Variants in PLB1 observed in about 807,000 individuals in gnomAD.
PLB1 encodes the protein phospholipase B1, membrane-associated.
A neutral mutation model predicts 227.4 loss-of-function variants in PLB1; 242 were observed. That is an observed-to-expected ratio of 1.06 (90% CI 0.96 to 1.18). The LOEUF is 1.18. Among genes scored for constraint, PLB1 ranks in the 50% most tolerant of loss-of-function variants. The pLI, the probability that PLB1 is intolerant of heterozygous loss-of-function variation, is 0.00. For synonymous variants in PLB1, 757 were observed against 682.2 expected (o/e 1.11, Z -1.71); for missense variants, 1,858 against 1,816.3 (o/e 1.02, Z -0.42).
At chr2:28,613,599 C>T (rs1307184949) in intron 43 of PLB1, among the ~76,000 whole-genome samples, 1 of 151,820 alleles carries the variant, frequency 6.6e-6, no homozygotes, top group Non-Finnish European at 1.5e-5. Context: ...GAGGAAAAGA[C>T]ATACAGTTCA....
intron 8 of PLB1, among the ~76,000 whole-genome samples, chr2:28,530,702 T>C (rs1158061077): frequency 6.6e-6 from 1 of 152,242 alleles, no homozygotes; most frequent in East Asian, 1.9e-4. Flanking sequence ...TAGCAAACTG[T>C]ATCTAACTAA....
chr2:28,568,524 T>A (rs933063981), intron 20 of PLB1, among the ~76,000 whole-genome samples: 2 of 152,214 alleles, frequency 1.3e-5, no homozygotes, highest in Admixed American at 6.5e-5. Flanking sequence ...TATGGAAACG[T>A]GTTAGAAAAC....
chr2:28,591,862 G>A, intron 31 of PLB1, 102 bp downstream of exon 31: 2 of 1,177,332 alleles, frequency 1.7e-6, no homozygotes, highest in Non-Finnish European at 2.5e-6. Context: ...ATGGCACAGT[G>A]ACGGCCAGTG....
intron 54 of PLB1, among the ~76,000 whole-genome samples, chr2:28,631,679 A>G (rs1386980941): frequency 6.6e-6 from 1 of 152,108 alleles, no homozygotes; most frequent in Non-Finnish European, 1.5e-5. Flanking sequence ...TCGTGCAGTG[A>G]GAGGAGGGGA....
At chr2:28,534,598 G>GTA (rs1039437913) in intron 9 of PLB1, among the ~76,000 whole-genome samples, 7 of 152,224 alleles carry the variant, frequency 4.6e-5, no homozygotes, top group African/African-American at 1.7e-4. Context: ...GCTCACGCCT[G>GTA]TAATCCCAGC....
intron 10 of PLB1, 56 bp downstream of exon 10, chr2:28,538,437 G>A: frequency 1.3e-6 from 2 of 1,532,278 alleles, no homozygotes; most frequent in Non-Finnish European, 9.0e-7. Context: ...TTACCCTCAT[G>A]TGGCCTCCAC....
intron 33 of PLB1, chr2:28,595,007 C>G (rs576203768): frequency 6.6e-6 from 1 of 152,100 alleles, no homozygotes; most frequent in Non-Finnish European, 1.5e-5. Context: ...ATCAAGCAGA[C>G]GAACCACATT....
At chr2:28,593,029 G>A (rs1361205002) in intron 32 of PLB1, among the ~76,000 whole-genome samples, 2 of 152,016 alleles carry the variant, frequency 1.3e-5, no homozygotes, top group African/African-American at 2.4e-5. Flanking sequence ...CTCCCTGTGC[G>A]GGCGCTCTTT....
intron 1 of PLB1, among the ~76,000 whole-genome samples, chr2:28,509,773 G>T (rs2148165185): frequency 6.6e-6 from 1 of 152,278 alleles, no homozygotes; most frequent in Non-Finnish European, 1.5e-5. Context: ...AAAGGGGAGA[G>T]TTCCCTTGGG....
At chr2:28,621,293 A>G (rs1166424147) in intron 49 of PLB1, among the ~76,000 whole-genome samples, 5 of 152,152 alleles carry the variant, frequency 3.3e-5, no homozygotes, top group Admixed American at 3.3e-4. Flanking sequence ...GGAGGCGCAC[A>G]TCTGCCCTGG....
chr2:28,536,809 G>C (rs1048607358), intron 9 of PLB1, among the ~76,000 whole-genome samples: 23 of 152,320 alleles, frequency 1.5e-4, no homozygotes, highest in African/African-American at 5.5e-4. Flanking sequence ...AATGGGGACA[G>C]TTGGTGTCCC....
At chr2:28,641,373 C>T (rs1388644972) in intron 57 of PLB1, among the ~76,000 whole-genome samples, 2 of 152,174 alleles carry the variant, frequency 1.3e-5, no homozygotes, top group East Asian at 1.9e-4. Flanking sequence ...TTTGGGAGGC[C>T]GAGGCGGTCA....
intron 17 of PLB1, among the ~76,000 whole-genome samples, chr2:28,554,944 A>G (rs1308026275): frequency 6.6e-6 from 1 of 152,082 alleles, no homozygotes; most frequent in Non-Finnish European, 1.5e-5. Flanking sequence ...TATAATAACA[A>G]GATGGGTAGA....
At chr2:28,501,106 G>A (rs1667044935) in intron 1 of PLB1, among the ~76,000 whole-genome samples, 1 of 152,146 alleles carries the variant, frequency 6.6e-6, no homozygotes, top group African/African-American at 2.4e-5. Flanking sequence ...ACTAAGAAAT[G>A]TAGTTTTCTT....
At chr2:28,622,521 T>TCTAA (rs780735590) in intron 49 of PLB1, among the ~76,000 whole-genome samples, 12 of 152,322 alleles carry the variant, frequency 7.9e-5, no homozygotes, top group South Asian at 6.2e-4. Context: ...GTTTTTTTCA[T>TCTAA]CTAACTTTCC....
intron 43 of PLB1, among the ~76,000 whole-genome samples, chr2:28,608,404 A>G (rs6547861): frequency 0.048 from 7,313 of 152,262 alleles, 572 homozygotes; most frequent in African/African-American, 0.17. Context: ...GGCAACAGGC[A>G]ACAGGCAAGA....
intron 20 of PLB1, among the ~76,000 whole-genome samples, chr2:28,572,811 A>C (rs951523076): frequency 6.6e-6 from 1 of 152,172 alleles, no homozygotes; most frequent in Non-Finnish European, 1.5e-5. Flanking sequence ...AAATATTCTA[A>C]AGTTGATTAC....
At chr2:28,588,967 C>A (rs1681381007) in intron 26 of PLB1, among the ~76,000 whole-genome samples, 1 of 151,928 alleles carries the variant, frequency 6.6e-6, no homozygotes, top group South Asian at 2.1e-4. Flanking sequence ...AGTTCGAGAC[C>A]AGCCTGGCCA....
intron 17 of PLB1, among the ~76,000 whole-genome samples, chr2:28,553,873 G>C (rs972409979): frequency 2.0e-5 from 3 of 152,176 alleles, no homozygotes; most frequent in Non-Finnish European, 4.4e-5. Flanking sequence ...ACAGTGCCTA[G>C]CAAGAATCTT....
Sources: gnomAD v4.1 joint callset for allele counts (sites outside exome capture counted in the v4.1 genomes callset) on GRCh38, gnomAD v4.1.1 for gene constraint, MANE v1.5 for transcripts, NCBI Gene and HGNC (gene_info 2026-07-23, HGNC 2026-07-21) for gene names.